Variants in CNBD1 observed in about 807,000 individuals in gnomAD.
CNBD1 encodes cyclic nucleotide binding domain containing 1.
Under a neutral mutation model 54.4 loss-of-function variants are expected in CNBD1, and 71 were observed. That is an observed-to-expected ratio of 1.30 (90% CI 1.08 to 1.59). The LOEUF is 1.59. Among genes scored for constraint, CNBD1 ranks in the 40% most tolerant of loss-of-function variants. The pLI, the probability that CNBD1 is intolerant of heterozygous loss-of-function variation, is 0.00. For synonymous variants in CNBD1, 182 were observed against 170.7 expected, an observed-to-expected ratio of 1.07 and a Z score of -0.51; for missense variants, 659 against 518.0, an observed-to-expected ratio of 1.27 and a Z score of -2.64.
intron 4 of CNBD1, among the ~76,000 whole-genome samples, chr8:86,941,121 G>A (rs1427778121): frequency 1.3e-5 from 2 of 152,180 alleles, no homozygotes; most frequent in Non-Finnish European, 2.9e-5. Flanking sequence ...GAAAATTTGA[G>A]AATGGTCAGA....
chr8:87,353,542 A>C (rs926337575), intron 9 of CNBD1, 94 bp from the exon 10 acceptor site: 1 of 767,248 alleles, frequency 1.3e-6, no homozygotes. Context: ...ATCATTTAGT[A>C]AAATGGTTTA....
intron 4 of CNBD1, among the ~76,000 whole-genome samples, chr8:87,148,713 A>G (rs753231416): frequency 1.3e-5 from 2 of 152,198 alleles, no homozygotes; most frequent in Non-Finnish European, 2.9e-5. Context: ...ATGAAGAGGG[A>G]TCTGGATCCA....
intron 6 of CNBD1, among the ~76,000 whole-genome samples, chr8:87,260,791 T>A (rs905317988): frequency 6.6e-6 from 1 of 152,136 alleles, no homozygotes; most frequent in Non-Finnish European, 1.5e-5. Flanking sequence ...CTATAAGTTA[T>A]CTTTAGTAAG....
chr8:87,270,503 C>T (rs1460272409), intron 6 of CNBD1, among the ~76,000 whole-genome samples: 1 of 151,912 alleles, frequency 6.6e-6, no homozygotes, highest in African/African-American at 2.4e-5. Context: ...AACACTTATA[C>T]ATTTTTGGTT....
chr8:87,374,285 C>T (rs1291083213), intron 10 of CNBD1, among the ~76,000 whole-genome samples: 3 of 151,686 alleles, frequency 2.0e-5, no homozygotes, highest in Admixed American at 6.6e-5. Flanking sequence ...ATATCAAATC[C>T]TTGTGGATTG....
At chr8:87,404,415 G>A (rs1250140256) in intron 2 of CNBD1, among the ~76,000 whole-genome samples, 1 of 151,908 alleles carries the variant, frequency 6.6e-6, no homozygotes, top group Non-Finnish European at 1.5e-5. Flanking sequence ...TGACCTTTTT[G>A]TTATTCTTGA....
intron 4 of CNBD1, among the ~76,000 whole-genome samples, chr8:87,054,256 G>A (rs1810369299): frequency 6.6e-6 from 1 of 152,198 alleles, no homozygotes. Context: ...CCAGACAAAG[G>A]TTAGAAAGGG....
At chr8:87,199,111 G>A (rs1453713083) in intron 4 of CNBD1, among the ~76,000 whole-genome samples, 1 of 152,180 alleles carries the variant, frequency 6.6e-6, no homozygotes, top group African/African-American at 2.4e-5. Flanking sequence ...AGCCATTTGT[G>A]AGGAATCCAC....
At chr8:87,401,315 A>G (rs1807560574) in intron 2 of CNBD1, among the ~76,000 whole-genome samples, 1 of 151,978 alleles carries the variant, frequency 6.6e-6, no homozygotes, top group Non-Finnish European at 1.5e-5. Flanking sequence ...TCAAAATCAA[A>G]GAGATTGCTA....
chr8:86,969,317 T>C (rs1037765695), intron 4 of CNBD1, among the ~76,000 whole-genome samples: 7 of 152,196 alleles, frequency 4.6e-5, no homozygotes, highest in Admixed American at 6.5e-5. Context: ...AGAACGCAGA[T>C]ATTTTGATTG....
At chr8:87,329,699 T>G (rs1303267447) in intron 8 of CNBD1, among the ~76,000 whole-genome samples, 2 of 152,164 alleles carry the variant, frequency 1.3e-5, no homozygotes, top group African/African-American at 4.8e-5. Context: ...AAATTCCATT[T>G]GTTTGTTGCT....
Position 86,890,224 on chromosome 8 carries a change from C to G in CNBD1, c.158+2613C>G, listed in dbSNP as rs370598933. On this transcript the variant is annotated intron_variant, in intron 2 of 10. Transcript: ENST00000518476. ...TCCTGTTTAATTGAATCTTTATACC[C>G]TTTCGTCAACATCTCCACATTCCTC... Among the ~76,000 whole-genome samples, 22 of 152,108 alleles carry G rather than the reference C, an allele frequency of 1.4e-4. No homozygotes were observed. The East Asian group carries it at 2.1e-3, about 15-fold the overall frequency.
intron 6 of CNBD1, among the ~76,000 whole-genome samples, chr8:87,253,580 C>A (rs1807952585): frequency 6.6e-6 from 1 of 152,110 alleles, no homozygotes; most frequent in Non-Finnish European, 1.5e-5. Context: ...TCATAGTACC[C>A]AAGTGCCATG....
chr8:87,263,669 G>T (rs1307836211), intron 6 of CNBD1, among the ~76,000 whole-genome samples: 1 of 152,030 alleles, frequency 6.6e-6, no homozygotes, highest in Non-Finnish European at 1.5e-5. Context: ...GCAGGACCAT[G>T]AAATTTTACC....
At chr8:87,395,835 T>C (rs1014161418) in intron 2 of CNBD1, among the ~76,000 whole-genome samples, 7 of 151,872 alleles carry the variant, frequency 4.6e-5, no homozygotes, top group African/African-American at 1.7e-4. Flanking sequence ...GTTACCTGGA[T>C]TCATACTGTC....
intron 4 of CNBD1, among the ~76,000 whole-genome samples, chr8:87,151,129 G>C (rs1360667823): frequency 6.6e-6 from 1 of 152,160 alleles, no homozygotes; most frequent in South Asian, 2.1e-4. Context: ...AAAGACTGCA[G>C]GTACCTTGGT....
intron 4 of CNBD1, among the ~76,000 whole-genome samples, chr8:87,021,036 A>G (rs1809477846): frequency 6.6e-6 from 1 of 152,200 alleles, no homozygotes; most frequent in South Asian, 2.1e-4. Context: ...ATAGCCTGGA[A>G]GCCCCTGCTT....
At chr8:87,217,980 G>C (rs533650782) in intron 5 of CNBD1, among the ~76,000 whole-genome samples, 5 of 152,122 alleles carry the variant, frequency 3.3e-5, no homozygotes, top group African/African-American at 1.2e-4. Flanking sequence ...ATATAACTTG[G>C]AGTCAGAAAA....
chr8:87,122,437 A>G (rs1412747830), intron 4 of CNBD1, among the ~76,000 whole-genome samples: 1 of 151,814 alleles, frequency 6.6e-6, no homozygotes, highest in East Asian at 1.9e-4. Flanking sequence ...TACTTTGGAT[A>G]TTAACTTACC....
Sources: gnomAD v4.1 joint callset for allele counts (sites outside exome capture counted in the v4.1 genomes callset) on GRCh38, gnomAD v4.1.1 for gene constraint, MANE v1.5 for transcripts, NCBI Gene and HGNC (gene_info 2026-07-23, HGNC 2026-07-21) for gene names.